The following ATP6V0C variants were observed in gnomAD, a reference collection of about 807,000 sequenced individuals.
ATP6V0C encodes the protein ATPase H+ transporting V0 subunit c, also known as V-type proton ATPase 16 kDa proteolipid subunit c.
Under a neutral mutation model 10.6 loss-of-function variants are expected in ATP6V0C, and 2 were observed. That is an observed-to-expected ratio of 0.19 (90% CI 0.08 to 0.59). The LOEUF (loss-of-function observed/expected upper bound fraction) is 0.59. Ranked by LOEUF, ATP6V0C falls within the 20% of genes least tolerant of loss-of-function variation. ATP6V0C has a pLI of 0.90. For missense variants in ATP6V0C, 89 were observed against 225.9 expected (o/e 0.39, Z 3.88); for synonymous variants, 128 against 101.3 (o/e 1.26, Z -1.59).
chr16:2,516,097 CTTTTT>C (rs11367350), intron 1 of ATP6V0C, among the ~76,000 whole-genome samples: 1 of 125,030 alleles, frequency 8.0e-6, no homozygotes, highest in Non-Finnish European at 1.6e-5. Flanking sequence ...CAGACAACTG[CTTTTT>C]TTTTTTTTTT....
chr16:2,515,602 C>T (rs1172373503), intron 1 of ATP6V0C, among the ~76,000 whole-genome samples: 2 of 152,166 alleles, frequency 1.3e-5, no homozygotes, highest in Non-Finnish European at 2.9e-5. Flanking sequence ...ACCGCCTGCT[C>T]TTTCCACAGA....
upstream of ATP6V0C, chr16:2,513,832 C>G (rs2065862279): frequency 3.3e-5 from 10 of 302,096 alleles, no homozygotes; most frequent in South Asian, 4.1e-4. Flanking sequence ...GGCGGCACAG[C>G]CCGGGGGAGG....
chr16:2,519,044 C>T, intron 1 of ATP6V0C, 174 bp from the exon 2 acceptor site: 1 of 677,398 alleles, frequency 1.5e-6, no homozygotes, highest in Admixed American at 3.3e-5. Context: ...CTTTTGCTTG[C>T]CCGTGGCTGT....
chr16:2,514,197 G>T lies in ATP6V0C; in HGVS notation c.79+15G>T. 6.5e-7 allele frequency: 1 copy of T among 1,542,596 alleles called. No homozygotes were observed. ...GGTCTTCAGCGGTGAGCGCGGCGGC[G>T]GGAGGGACTCGGGGGCGGGGGCGCG... On this transcript the variant is annotated intron_variant, in intron 1 of 2. Transcript: ENST00000330398.
Position 2,515,477 on chromosome 16 carries a change from CCTT to C in ATP6V0C, c.79+1298_79+1300del, listed in dbSNP as rs1236937164. Among the ~76,000 whole-genome samples, 4 of 152,236 alleles carry C rather than the reference CCTT, an allele frequency of 2.6e-5. No individual in the cohort carries two copies. The East Asian group carries it at 5.8e-4, about 22-fold the overall frequency. ...GAGCTCTCTGTTCTCTTGCGGGCCT[CCTT>C]CTGCCTGGGCCTGTCTGCCATTCGT... On this transcript the variant is annotated intron_variant, in intron 1 of 2. Coordinates refer to ENST00000330398, the MANE Select transcript of ATP6V0C (RefSeq NM_001694.4).
chr16:2,514,052 G>T lies in ATP6V0C; in HGVS notation c.-52G>T. The T allele has an allele frequency of 7.0e-7, 1 of 1,419,904 alleles. No individual in the cohort carries two copies. The highest frequency in any genetic ancestry group is 9.6e-7 in the Non-Finnish European group (1 of 1,043,538). The allele number at this position is 1,419,904 out of a possible 1,614,324, so 88.0% of individuals were successfully genotyped here. On this transcript the variant is annotated 5_prime_UTR_variant, in exon 1 of 3. Transcript: ENST00000330398. Reference sequence around the variant, plus strand: ...TCGTGCCCGGCCCGTCCTCGCCCCCGCCTCCGCCACCGCCTCGGCCCGCAG... The same window carrying T: ...TCGTGCCCGGCCCGTCCTCGCCCCCTCCTCCGCCACCGCCTCGGCCCGCAG...
chr16:2,519,026 C>G (rs942017603), intron 1 of ATP6V0C, 192 bp from the exon 2 acceptor site: 2 of 587,590 alleles, frequency 3.4e-6, no homozygotes, highest in Non-Finnish European at 5.8e-6. Context: ...AGTGGCTGTC[C>G]TGGCCTCCTT....
Position 2,519,826 on chromosome 16 carries a change from C to T in ATP6V0C, c.*81C>T, listed in dbSNP as rs1005081530. 11 of 1,524,192 alleles carry T rather than the reference C, an allele frequency of 7.2e-6. No individual in the cohort carries two copies. The highest frequency in any genetic ancestry group is 1.1e-5 in the South Asian group (1 of 88,636). 94.4% of individuals were successfully genotyped at this position (1,524,192 alleles called of 1,614,324 possible). On this transcript the variant is annotated 3_prime_UTR_variant, in exon 3 of 3. Coordinates refer to ENST00000330398, the MANE Select transcript of ATP6V0C (RefSeq NM_001694.4). The stretch of plus-strand genomic sequence containing the variant: ...TCCAGAACGAACAGCCTGACACATA[C>T]GCACGGGGCCGCCGCCCCCAGTAGT...
intron 1 of ATP6V0C, chr16:2,517,751 GTGTC>G (rs1420882966): frequency 1.1e-3 from 160 of 144,214 alleles, no homozygotes; most frequent in African/African-American, 3.4e-3. Context: ...GTGTGTGTGT[GTGTC>G]TGTCAGAGAT....
chr16:2,518,359 G>C lies in ATP6V0C; in HGVS notation c.80-859G>C, dbSNP rs561652381. The stretch of plus-strand genomic sequence containing the variant: ...AGCTCTGGAGGAGACAGGCCACCCT[G>C]GAGCCCAGCCCACCAGCACTGTTGC... On this transcript the variant is annotated intron_variant, in intron 1 of 2. Coordinates refer to ENST00000330398, the MANE Select transcript of ATP6V0C (RefSeq NM_001694.4). Among the ~76,000 whole-genome samples, 8 of 152,366 alleles carry C rather than the reference G, an allele frequency of 5.3e-5. No homozygotes were observed. In the East Asian group the frequency reaches 1.5e-3, roughly 29 times the overall value.
At position 2,519,718 on chromosome 16, in the gene ATP6V0C, C is replaced by A; in HGVS notation, c.441C>A (p.Ile147=). 6.2e-7 allele frequency: 1 copy of A among 1,609,682 alleles called. No homozygotes were observed. The change falls in exon 3 of 3, where the codon ATC becomes ATA. Residue 147 remains isoleucine (I), a synonymous_variant. Coordinates refer to ENST00000330398, the MANE Select transcript of ATP6V0C (RefSeq NM_001694.4). ...AGGTGCTCGGCCTCTACGGTCTCATCGTCGCCCTCATCCTCTCCACAAAGT... is the reference window on the plus strand; with the variant it reads ...AGGTGCTCGGCCTCTACGGTCTCATAGTCGCCCTCATCCTCTCCACAAAGT... ...FAEVLGLYGL[I]VALILSTK is the part of the protein sequence containing the mutation.
intron 1 of ATP6V0C, among the ~76,000 whole-genome samples, chr16:2,515,249 G>A (rs1215111997): frequency 2.0e-5 from 3 of 152,220 alleles, no homozygotes; most frequent in Non-Finnish European, 4.4e-5. Context: ...GACGAGTTAA[G>A]TTCTGGCCCA....
At chr16:2,513,876 C>G (rs1158633922), upstream of ATP6V0C, 1 of 408,838 alleles carries the variant, frequency 2.4e-6, no homozygotes, top group Non-Finnish European at 4.4e-6. Context: ...GGGGACGCGT[C>G]TCCCCCACGG....
intron 1 of ATP6V0C, among the ~76,000 whole-genome samples, chr16:2,514,839 G>T (rs1474740228): frequency 2.0e-5 from 3 of 152,194 alleles, no homozygotes; most frequent in African/African-American, 7.2e-5. Flanking sequence ...GAGAGCCCGC[G>T]GAGACCCGGG....
Position 2,520,207 on chromosome 16 carries a change from T to A in ATP6V0C, c.*462T>A, listed in dbSNP as rs976257619. On this transcript the variant is annotated 3_prime_UTR_variant, in exon 3 of 3. Transcript: ENST00000330398. ...TGCGCGGAGCTGTGTCCAATAAAGT[T>A]CTTGGATGTGACGGGCCTGTGTCTG... The A allele has an allele frequency of 4.2e-5, 19 of 448,960 alleles. 1 individual carries two copies. Among genetic ancestry groups the A allele is most frequent in the Non-Finnish European group, 3.2e-5 (8 of 249,338 alleles). The allele number at this position is 448,960 out of a possible 1,614,324, so 27.8% of individuals were successfully genotyped here.
chr16:2,518,537 C>T (rs1051614024), intron 1 of ATP6V0C, among the ~76,000 whole-genome samples: 37 of 152,236 alleles, frequency 2.4e-4, no homozygotes, highest in African/African-American at 8.7e-4. Context: ...TCTTGGCTCA[C>T]CCTGTCTCCT....
chr16:2,514,272 C>T (rs946459426), intron 1 of ATP6V0C, 90 bp downstream of exon 1: 3 of 1,368,910 alleles, frequency 2.2e-6, no homozygotes, highest in Non-Finnish European at 2.0e-6. Context: ...TGACGTCACT[C>T]TGACGTAATC....
At chr16:2,518,539 C>G (rs1412198785) in intron 1 of ATP6V0C, among the ~76,000 whole-genome samples, 2 of 152,244 alleles carry the variant, frequency 1.3e-5, no homozygotes, top group African/African-American at 4.8e-5. Context: ...TTGGCTCACC[C>G]TGTCTCCTGT....
chr16:2,519,716 A>G lies in ATP6V0C; in HGVS notation c.439A>G (p.Ile147Val). Reference sequence around the variant, plus strand: ...CGAGGTGCTCGGCCTCTACGGTCTCATCGTCGCCCTCATCCTCTCCACAAA... The same window carrying G: ...CGAGGTGCTCGGCCTCTACGGTCTCGTCGTCGCCCTCATCCTCTCCACAAA... ...FAEVLGLYGL[I>V]VALILSTK The change falls in exon 3 of 3, where the codon ATC (isoleucine) becomes GTC (valine). Residue 147 changes from isoleucine (I) to valine (V), a missense_variant. Physicochemically the swap from Ile to Val is conservative, Grantham distance 29. Around this residue, in one of 4 missense-constraint regions of ATP6V0C, gnomAD observed 25 missense variants for 92.1 expected, o/e 0.27. Coordinates refer to ENST00000330398, the MANE Select transcript of ATP6V0C (RefSeq NM_001694.4). The G allele has an allele frequency of 6.2e-7, 1 of 1,609,876 alleles. No homozygotes were observed. Among genetic ancestry groups the G allele is most frequent in the Non-Finnish European group, 8.5e-7 (1 of 1,176,788 alleles).
Sources: gnomAD v4.1 joint callset for allele counts (sites outside exome capture counted in the v4.1 genomes callset) on GRCh38, gnomAD v4.1.1 for gene constraint, gnomAD v4.1.1 regional missense constraint, MANE v1.5 for transcripts, NCBI Gene and HGNC (gene_info 2026-07-23, HGNC 2026-07-21) for gene names.